Variants in GRK3 observed in about 807,000 individuals in gnomAD.
GRK3 encodes G protein-coupled receptor kinase 3, also known as adrenergic, beta, receptor kinase 2.
Under a neutral mutation model 95.7 loss-of-function variants are expected in GRK3, and 54 were observed. That is an observed-to-expected ratio of 0.56 (90% CI 0.45 to 0.71). GRK3 has a LOEUF of 0.71. Among genes scored for constraint, GRK3 ranks in the 30% least tolerant of loss-of-function variants. The pLI, the probability that GRK3 is intolerant of heterozygous loss-of-function variation, is 0.00. For missense variants in GRK3, 649 were observed against 851.2 expected, an observed-to-expected ratio of 0.76 and a Z score of 2.96; for synonymous variants, 281 against 290.8, an observed-to-expected ratio of 0.97 and a Z score of 0.34.
intron 6 of GRK3, 37 bp downstream of exon 6, chr22:25,667,837 A>G: frequency 3.2e-6 from 4 of 1,238,672 alleles, no homozygotes; most frequent in Non-Finnish European, 4.7e-6. Flanking sequence ...ACAATTTTTT[A>G]TCATGTACGT....
At chr22:25,614,397 G>C (rs1447059301) in intron 2 of GRK3, among the ~76,000 whole-genome samples, 1 of 152,202 alleles carries the variant, frequency 6.6e-6, no homozygotes, top group South Asian at 2.1e-4. Flanking sequence ...GCCTCCCAAA[G>C]TGTCGGGATT....
At chr22:25,593,869 C>T (rs1185379553) in intron 1 of GRK3, among the ~76,000 whole-genome samples, 1 of 152,112 alleles carries the variant, frequency 6.6e-6, no homozygotes. Flanking sequence ...GGAGTCCTTT[C>T]TCTCTTATTT....
intron 2 of GRK3, among the ~76,000 whole-genome samples, chr22:25,624,569 A>T (rs1210645278): frequency 2.0e-5 from 3 of 151,990 alleles, no homozygotes; most frequent in Non-Finnish European, 4.4e-5. Context: ...ATCATTAAAA[A>T]CAAAAACAAA....
rs7288085 is a variant in GRK3, at chr22:25,577,697, A to G, written c.113+12544A>G. ...CGTGGAGCTTTTCCTCGTCAGCAGTATATAGATCTGTTCAGTGTTTGGAAT... is the reference window on the plus strand; with the variant it reads ...CGTGGAGCTTTTCCTCGTCAGCAGTGTATAGATCTGTTCAGTGTTTGGAAT... On this transcript the variant is annotated intron_variant, in intron 1 of 20. Transcript: ENST00000324198. Among the ~76,000 whole-genome samples, 446 of 152,332 alleles carry G rather than the reference A, an allele frequency of 2.9e-3. 1 individual carries two copies. Among genetic ancestry groups the G allele is most frequent in the African/African-American group, 0.01 (416 of 41,584 alleles).
intron 10 of GRK3, among the ~76,000 whole-genome samples, chr22:25,686,751 C>T (rs1038911131): frequency 3.3e-5 from 5 of 152,120 alleles, no homozygotes; most frequent in Admixed American, 3.3e-4. Flanking sequence ...CTGGGGACAC[C>T]CACCACCTGG....
rs902113404 is a variant in GRK3 at position 25,648,580 on chromosome 22, A to G, written c.264+3915A>G. The G allele has an allele frequency of 6.7e-5, 88 of 1,315,960 alleles. No individual in the cohort carries two copies. In the Admixed American group the frequency reaches 1.5e-3, roughly 22 times the overall value. 81.5% of individuals were successfully genotyped at this position (1,315,960 alleles called of 1,614,324 possible). A position where few individuals can be genotyped will look rare whatever the true frequency, so the allele number is the denominator to read the frequency against. On this transcript the variant is annotated intron_variant, in intron 3 of 20. Transcript: ENST00000324198. ...CTTCAAGAAGCTCAGGTAATGAAAAAAATAAGACATGGTAAACTTGTTCCA... is the reference window on the plus strand; with the variant it reads ...CTTCAAGAAGCTCAGGTAATGAAAAGAATAAGACATGGTAAACTTGTTCCA...
chr22:25,586,113 T>C (rs952165428), intron 1 of GRK3, among the ~76,000 whole-genome samples: 1 of 152,240 alleles, frequency 6.6e-6, no homozygotes, highest in Non-Finnish European at 1.5e-5. Flanking sequence ...GTAGTTTATT[T>C]AGAAAAATGA....
chr22:25,589,852 G>A (rs1204375272), intron 1 of GRK3, among the ~76,000 whole-genome samples: 1 of 152,168 alleles, frequency 6.6e-6, no homozygotes, highest in Admixed American at 6.5e-5. Flanking sequence ...GGTGAAGGAG[G>A]AGCAAAGGCA....
intron 1 of GRK3, among the ~76,000 whole-genome samples, chr22:25,573,733 T>C (rs145944030): frequency 1.3e-5 from 2 of 152,252 alleles, no homozygotes; most frequent in East Asian, 1.9e-4. Flanking sequence ...ACCCCGTCTC[T>C]ACTAAAAATA....
chr22:25,640,317 T>G (rs2084734043), intron 2 of GRK3, among the ~76,000 whole-genome samples: 1 of 152,234 alleles, frequency 6.6e-6, no homozygotes. Flanking sequence ...TTTATCATTA[T>G]CTCAGCATCA....
chr22:25,642,613 C>T (rs1375981052), intron 2 of GRK3, among the ~76,000 whole-genome samples: 1 of 152,156 alleles, frequency 6.6e-6, no homozygotes. Context: ...GCTTACTCCT[C>T]TCCCATCCTC....
chr22:25,724,115 A>AAC lies in GRK3; in HGVS notation c.*1700_*1701dup, dbSNP rs60731107. 21,412 of 144,530 alleles carry AAC rather than the reference A, an allele frequency of 0.15. 1,679 individuals carry two copies. Among genetic ancestry groups the AAC allele is most frequent in the African/African-American group, 0.23 (8,951 of 39,364 alleles). The allele number at this position is 144,530 out of a possible 1,614,324, so 9.0% of individuals were successfully genotyped here. A position where few individuals can be genotyped will look rare whatever the true frequency, so the allele number is the denominator to read the frequency against. ...AAGAATAGTATTCAAATTCTGTTGA[A>AAC]ACACACACACACACACACACACACA... On this transcript the variant is annotated 3_prime_UTR_variant, in exon 21 of 21. Coordinates refer to ENST00000324198, the MANE Select transcript of GRK3 (RefSeq NM_005160.4).
chr22:25,716,756 G>A (rs1436753403), intron 18 of GRK3, among the ~76,000 whole-genome samples: 5 of 152,132 alleles, frequency 3.3e-5, no homozygotes, highest in Non-Finnish European at 5.9e-5. Flanking sequence ...GCAAATAAAA[G>A]CCATACAGCA....
At chr22:25,608,517 C>G (rs1382456555) in intron 2 of GRK3, among the ~76,000 whole-genome samples, 25 of 152,328 alleles carry the variant, frequency 1.6e-4, no homozygotes, top group Non-Finnish European at 7.3e-5. Context: ...AGAGTTTCCT[C>G]AGGCCAGCAG....
At chr22:25,599,676 T>C (rs2084396312) in intron 1 of GRK3, among the ~76,000 whole-genome samples, 1 of 151,766 alleles carries the variant, frequency 6.6e-6, no homozygotes, top group African/African-American at 2.4e-5. Flanking sequence ...ACTCTATGAA[T>C]ATTAAGATAC....
At chr22:25,693,379 A>G (rs2146441800) in intron 12 of GRK3, among the ~76,000 whole-genome samples, 1 of 152,308 alleles carries the variant, frequency 6.6e-6, no homozygotes. Context: ...TTTATCCTGT[A>G]GATATCTATT....
At chr22:25,656,942 G>A (rs931918624) in intron 3 of GRK3, among the ~76,000 whole-genome samples, 6 of 152,154 alleles carry the variant, frequency 3.9e-5, no homozygotes, top group Non-Finnish European at 8.8e-5. Flanking sequence ...TGGTGAGGGG[G>A]AGAGCATTTT....
intron 3 of GRK3, among the ~76,000 whole-genome samples, chr22:25,652,628 A>T (rs2084840534): frequency 6.6e-6 from 1 of 152,144 alleles, no homozygotes; most frequent in Non-Finnish European, 1.5e-5. Context: ...TTTCCATTGG[A>T]TTGTAATCAG....
chr22:25,709,003 A>C, intron 15 of GRK3, among the ~76,000 whole-genome samples: 1 of 151,650 alleles, frequency 6.6e-6, no homozygotes, highest in East Asian at 1.9e-4. Flanking sequence ...CATGACCTTC[A>C]AGAAAACTTG....
Sources: gnomAD v4.1 joint callset for allele counts (sites outside exome capture counted in the v4.1 genomes callset) on GRCh38, gnomAD v4.1.1 for gene constraint, MANE v1.5 for transcripts, NCBI Gene and HGNC (gene_info 2026-07-23, HGNC 2026-07-21) for gene names.